The following ARID1A variants were observed in gnomAD, a reference collection of about 807,000 sequenced individuals.
The protein encoded by ARID1A is AT-rich interactive domain-containing protein 1A.
Under a neutral mutation model 212.6 loss-of-function variants are expected in ARID1A, and 20 were observed. That is an observed-to-expected ratio of 0.09 (90% CI 0.07 to 0.14). ARID1A has a LOEUF of 0.14. ARID1A is among the 10% of genes least tolerant of loss of function. The pLI is 1.00. For missense variants in ARID1A, 2,587 were observed against 3,059.0 expected (o/e 0.85, Z 3.64); for synonymous variants, 1,376 against 1,222.1 (o/e 1.13, Z -2.63).
At position 26,696,880 on chromosome 1, in the gene ARID1A, T is replaced by TGCC; in HGVS notation, c.479_481dup (p.Ala160dup). 2 of 1,358,384 alleles carry TGCC rather than the reference T, an allele frequency of 1.5e-6. No individual in the cohort carries two copies. Among genetic ancestry groups the TGCC allele is most frequent in the Non-Finnish European group, 1.9e-6 (2 of 1,056,810 alleles). 84.1% of individuals were successfully genotyped at this position (1,358,384 alleles called of 1,614,324 possible). On this transcript the variant is annotated inframe_insertion, in exon 1 of 20. Transcript: ENST00000324856. ...GGCAACCCTACGGCCGGAGCCCGTCTGCCGTCGCCGCCGCCGCGGCCGCCG... is the reference window on the plus strand; with the variant it reads ...GGCAACCCTACGGCCGGAGCCCGTCTGCCGCCGTCGCCGCCGCCGCGGCCGCCG...
At chr1:26,715,565 T>C (rs912264203) in intron 1 of ARID1A, among the ~76,000 whole-genome samples, 2 of 152,234 alleles carry the variant, frequency 1.3e-5, no homozygotes, top group African/African-American at 2.4e-5. Context: ...GAGCATATAT[T>C]GGGATGCAGT....
intron 1 of ARID1A, among the ~76,000 whole-genome samples, chr1:26,699,923 A>G (rs1256120853): frequency 6.6e-6 from 1 of 152,216 alleles, no homozygotes; most frequent in Non-Finnish European, 1.5e-5. Flanking sequence ...CTTTCTGTGT[A>G]GATGATAGGA....
At chr1:26,719,941 C>CAAAA (rs1213565550) in intron 1 of ARID1A, among the ~76,000 whole-genome samples, 1 of 49,678 alleles carries the variant, frequency 2.0e-5, no homozygotes, top group African/African-American at 7.7e-5. Flanking sequence ...AAGTCCGTCT[C>CAAAA]AAAAAAAAAA....
In ARID1A at chr1:26,771,263, C is replaced by G. The variant is rs1178831269; in HGVS notation, c.3343C>G (p.Pro1115Ala). The change falls in exon 12 of 20, where the codon CCA becomes GCA. Residue 1115 changes from proline (P) to alanine (A), a missense_variant. By Grantham distance (27) the Pro-to-Ala change is conservative (BLOSUM62 -1). This residue lies in a region of ARID1A where 890 missense variants were observed against 1,098.2 expected (regional missense o/e 0.81). Transcript: ENST00000324856. The surrounding 1 kb of genome is among the most constrained non-coding windows in gnomAD (Gnocchi z 5.4). Reference sequence around the variant, plus strand: ...GATTGAACGGGGAGAAGACCCTCCCCCAGACATCTTTGCAGCTGCTGATTC... The same window carrying G: ...GATTGAACGGGGAGAAGACCCTCCCGCAGACATCTTTGCAGCTGCTGATTC... Reference protein sequence around the residue: ...CKIERGEDPPPDIFAAADSKK... With the variant: ...CKIERGEDPPADIFAAADSKK... 1 of 1,614,202 alleles carries G rather than the reference C, an allele frequency of 6.2e-7. No homozygotes were observed. Among genetic ancestry groups the G allele is most frequent in the South Asian group, 1.1e-5 (1 of 91,080 alleles).
At position 26,721,196 on chromosome 1, in the gene ARID1A, C is replaced by T. The variant is rs2080561144; in HGVS notation, c.1138-8455C>T. On this transcript the variant is annotated intron_variant, in intron 1 of 19. Coordinates refer to ENST00000324856, the MANE Select transcript of ARID1A (RefSeq NM_006015.6). The stretch of plus-strand genomic sequence containing the variant: ...CTTGGGGTCTTACTATTGTTTTGGT[C>T]ACCCTGGTTTGTTTTTGTTTTTGTT... 2.0e-5 allele frequency among the ~76,000 whole-genome samples: 3 copies of T among 152,008 alleles called. 1 individual carries two copies. Among genetic ancestry groups the T allele is most frequent in the East Asian group, 3.8e-4 (2 of 5,196 alleles).
rs761033370 is a variant in ARID1A, at chr1:26,771,238, G to T, written c.3318G>T (p.Lys1106Asn). The change falls in exon 12 of 20, where the codon AAG (lysine) becomes AAT (asparagine). Residue 1106 changes from lysine to asparagine, a missense_variant. This residue lies in a region of ARID1A where 8 missense variants were observed against 19.3 expected (regional missense o/e 0.42). Coordinates refer to ENST00000324856, the MANE Select transcript of ARID1A (RefSeq NM_006015.6). This position sits in a 1 kb window ranked among gnomAD's most constrained non-coding sequence, Gnocchi z 5.4. ...AGTGTCTCTATGCCTTTGAATGCAA[G>T]ATTGAACGGGGAGAAGACCCTCCCC... The part of the protein sequence containing the change: ...YIQCLYAFEC[K>N]IERGEDPPPD... 1.9e-6 allele frequency: 3 copies of T among 1,614,072 alleles called. No individual in the cohort carries two copies.
At chr1:26,713,752 A>G (rs934056427) in intron 1 of ARID1A, among the ~76,000 whole-genome samples, 1 of 152,012 alleles carries the variant, frequency 6.6e-6, no homozygotes, top group African/African-American at 2.4e-5. Context: ...AATGGTCTCT[A>G]CCTCTTCTCA....
intron 1 of ARID1A, among the ~76,000 whole-genome samples, chr1:26,709,671 G>A (rs12737407): frequency 0.057 from 8,196 of 142,972 alleles, 322 homozygotes; most frequent in Non-Finnish European, 0.081. Flanking sequence ...TTTAGAGACA[G>A]GGTCTTTCTC....
intron 4 of ARID1A, among the ~76,000 whole-genome samples, chr1:26,736,358 G>A (rs538604144): frequency 6.6e-6 from 1 of 150,754 alleles, no homozygotes; most frequent in South Asian, 2.1e-4. Flanking sequence ...AGCTGGGCGC[G>A]GTGGCTCACA....
At chr1:26,750,272 T>G (rs987003400) in intron 4 of ARID1A, among the ~76,000 whole-genome samples, 1 of 152,224 alleles carries the variant, frequency 6.6e-6, no homozygotes, top group Non-Finnish European at 1.5e-5. Context: ...GATTCCTCAC[T>G]GCCTCCACAA....
chr1:26,751,806 G>C lies in ARID1A; in HGVS notation c.1921-9050G>C, dbSNP rs371320431. ...ATGTGTATATAGGGAGTTTCCTCTTGGAGACGGGCCCCTGAAAAGCATTCT... is the reference window on the plus strand; with the variant it reads ...ATGTGTATATAGGGAGTTTCCTCTTCGAGACGGGCCCCTGAAAAGCATTCT... On this transcript the variant is annotated intron_variant, in intron 4 of 19. Coordinates refer to ENST00000324856, the MANE Select transcript of ARID1A (RefSeq NM_006015.6). 1.5e-3 allele frequency among the ~76,000 whole-genome samples: 223 copies of C among 152,240 alleles called. 9 individuals are homozygous for C. The South Asian group carries it at 0.044, about 30-fold the overall frequency.
In ARID1A at chr1:26,780,277, A is replaced by G; in HGVS notation, c.6379A>G (p.Ile2127Val). The G allele has an allele frequency of 1.2e-6, 2 of 1,614,186 alleles. No individual in the cohort carries two copies. The highest frequency in any genetic ancestry group is 1.7e-6 in the Non-Finnish European group (2 of 1,180,036). The part of the protein sequence containing the change: ...LVLETLSKLS[I>V]QDNNVDLILA... ...CTTGGAAACCCTCAGCAAACTCAGC[A>G]TCCAGGACAACAATGTGGACCTGAT... Residue 2127 changes from isoleucine (I) to valine (V), a missense_variant, in exon 20 of 20, where the codon ATC becomes GTC. Coordinates refer to ENST00000324856, the MANE Select transcript of ARID1A (RefSeq NM_006015.6). The surrounding 1 kb of genome is among the most constrained non-coding windows in gnomAD (Gnocchi z 7.2).
intron 1 of ARID1A, among the ~76,000 whole-genome samples, chr1:26,701,610 T>A (rs1207325706): frequency 6.6e-6 from 1 of 152,226 alleles, no homozygotes; most frequent in African/African-American, 2.4e-5. Flanking sequence ...AAAATGAAGT[T>A]GGTCTGCATG....
At chr1:26,756,045 G>T (rs2124036052) in intron 4 of ARID1A, among the ~76,000 whole-genome samples, 1 of 151,858 alleles carries the variant, frequency 6.6e-6, no homozygotes, top group Non-Finnish European at 1.5e-5. Context: ...GCCTGGCCAA[G>T]TTTTGGTTTT....
chr1:26,699,390 C>T (rs1011268422), intron 1 of ARID1A, among the ~76,000 whole-genome samples: 2 of 152,182 alleles, frequency 1.3e-5, no homozygotes, highest in African/African-American at 4.8e-5. Context: ...GGGGAAGCTC[C>T]ATTCATCCCC....
chr1:26,751,362 C>T (rs1044203688), intron 4 of ARID1A, among the ~76,000 whole-genome samples: 14 of 152,048 alleles, frequency 9.2e-5, no homozygotes, highest in African/African-American at 3.4e-4. Context: ...GTGAGGTTAG[C>T]CAGTTGAGTC....
chr1:26,748,104 G>A (rs761028352), intron 4 of ARID1A, among the ~76,000 whole-genome samples: 2 of 152,286 alleles, frequency 1.3e-5, no homozygotes, highest in Non-Finnish European at 2.9e-5. Flanking sequence ...GAAGACCACT[G>A]ACAAGTATAA....
intron 4 of ARID1A, 121 bp downstream of exon 4, chr1:26,732,913 T>C: frequency 1.2e-6 from 1 of 838,072 alleles, no homozygotes; most frequent in East Asian, 2.5e-5. Context: ...ATTTCTTGAA[T>C]TCAAGGAACT....
intron 19 of ARID1A, chr1:26,778,546 T>C (rs1388363870): frequency 6.5e-6 from 1 of 153,010 alleles, no homozygotes; most frequent in Non-Finnish European, 1.5e-5. Context: ...CCTGGACTTG[T>C]GGGGAGCTTG....
Sources: allele counts gnomAD v4.1 joint callset (sites outside exome capture counted in the v4.1 genomes callset), GRCh38; gene constraint gnomAD v4.1.1; regional missense constraint gnomAD v4.1.1; non-coding constraint Gnocchi (gnomAD v3.1); transcripts MANE v1.5; gene names NCBI Gene and HGNC (gene_info 2026-07-23, HGNC 2026-07-21).